Variants in LRFN5 observed in about 807,000 individuals in gnomAD.
LRFN5 encodes the protein leucine-rich repeat and fibronectin type-III domain-containing protein 5.
Under a neutral mutation model 45.6 loss-of-function variants are expected in LRFN5, and 24 were observed. The observed-to-expected ratio is 0.53, with a 90% CI of 0.38 to 0.74. The LOEUF is 0.74. Ranked by LOEUF, LRFN5 falls within the 30% of genes least tolerant of loss-of-function variation. The pLI is 0.00. For missense variants in LRFN5, 776 were observed against 861.5 expected, an observed-to-expected ratio of 0.90 and a Z score of 1.24; for synonymous variants, 340 against 313.8, an observed-to-expected ratio of 1.08 and a Z score of -0.88.
At position 41,826,976 on chromosome 14, in the gene LRFN5, A is replaced by G. The variant is rs61988383; in HGVS notation, c.-20-59630A>G. ...TAAGTAATTATTTTGATTCACATTG[A>G]GTAAAACAGATCAAAACAATCCAAC... On this transcript the variant is annotated intron_variant, in intron 2 of 5. Transcript: ENST00000298119. Among the ~76,000 whole-genome samples, 139 of 60,824 alleles carry G rather than the reference A, an allele frequency of 2.3e-3. 1 individual carries two copies. The highest frequency in any genetic ancestry group is 4.0e-3 in the Non-Finnish European group (104 of 26,002). 39.9% of individuals were successfully genotyped at this position (60,824 alleles called of 152,430 possible). A position where few individuals can be genotyped will look rare whatever the true frequency, so the allele number is the denominator to read the frequency against.
intron 1 of LRFN5, among the ~76,000 whole-genome samples, chr14:41,734,316 T>TATATA (rs1884314909): frequency 2.6e-5 from 1 of 38,768 alleles, no homozygotes; most frequent in African/African-American, 5.3e-5. Flanking sequence ...TGGACTGGTT[T>TATATA]TATATATATA....
chr14:41,804,011 A>C (rs1458131202), intron 2 of LRFN5, among the ~76,000 whole-genome samples: 4 of 152,028 alleles, frequency 2.6e-5, no homozygotes, highest in Non-Finnish European at 5.9e-5. Flanking sequence ...TTACAGGTGC[A>C]TGCCACCACA....
chr14:41,822,818 G>C (rs1166365896), intron 2 of LRFN5, among the ~76,000 whole-genome samples: 1 of 147,446 alleles, frequency 6.8e-6, no homozygotes, highest in Non-Finnish European at 1.5e-5. Context: ...ATGAATCCAG[G>C]TGCTCTGGTA....
At chr14:41,802,581 G>A (rs1413162784) in intron 2 of LRFN5, among the ~76,000 whole-genome samples, 1 of 152,160 alleles carries the variant, frequency 6.6e-6, no homozygotes. Context: ...GTCAAGGAAA[G>A]TCTGTCACCA....
At chr14:41,705,865 CAT>C (rs35936498) in intron 1 of LRFN5, among the ~76,000 whole-genome samples, 34,997 of 152,084 alleles carry the variant, frequency 0.23, 4,250 homozygotes, top group South Asian at 0.37. Flanking sequence ...CTCACTTACA[CAT>C]GTGTTATCAC....
chr14:41,712,106 G>A (rs915674576), intron 1 of LRFN5, among the ~76,000 whole-genome samples: 3 of 152,108 alleles, frequency 2.0e-5, no homozygotes, highest in African/African-American at 7.2e-5. Context: ...AGGTAATATC[G>A]GGGAATATGC....
chr14:41,880,219 G>T (rs1257647960), intron 2 of LRFN5, among the ~76,000 whole-genome samples: 1 of 151,774 alleles, frequency 6.6e-6, no homozygotes. Context: ...GAGCCACCGC[G>T]CCCGGCCCTC....
intron 1 of LRFN5, among the ~76,000 whole-genome samples, chr14:41,616,778 G>C (rs1039644254): frequency 6.6e-6 from 1 of 151,896 alleles, no homozygotes; most frequent in African/African-American, 2.4e-5. Flanking sequence ...TCAAATAGTT[G>C]TCAAGATCAA....
chr14:41,756,914 G>T (rs80079745), intron 1 of LRFN5, among the ~76,000 whole-genome samples: 1 of 152,062 alleles, frequency 6.6e-6, no homozygotes, highest in Non-Finnish European at 1.5e-5. Context: ...TTTGATGATG[G>T]TGACGTACAG....
intron 2 of LRFN5, among the ~76,000 whole-genome samples, chr14:41,785,507 T>C (rs1886686717): frequency 1.3e-5 from 2 of 152,110 alleles, no homozygotes; most frequent in South Asian, 4.1e-4. Flanking sequence ...GATACTATAC[T>C]ATATCACATA....
At chr14:41,747,976 A>G (rs1359265862) in intron 1 of LRFN5, among the ~76,000 whole-genome samples, 1 of 152,076 alleles carries the variant, frequency 6.6e-6, no homozygotes, top group Non-Finnish European at 1.5e-5. Context: ...AATCATTAGG[A>G]TGAAGACTCT....
intron 2 of LRFN5, among the ~76,000 whole-genome samples, chr14:41,831,228 T>G (rs534304384): frequency 1.3e-5 from 2 of 152,328 alleles, no homozygotes; most frequent in East Asian, 3.9e-4. Context: ...TAATGTTTAT[T>G]TTTTTACTAG....
At position 41,685,269 on chromosome 14, in the gene LRFN5, A is replaced by G. The variant is rs150382901; in HGVS notation, c.-197+76707A>G. ...CAAAAAAACTAAAAATAGAACTACT[A>G]TATTATCTGGCAATCTCATTGGTAG... On this transcript the variant is annotated intron_variant, in intron 1 of 5. Coordinates refer to ENST00000298119, the MANE Select transcript of LRFN5 (RefSeq NM_152447.5). Among the ~76,000 whole-genome samples the G allele has an allele frequency of 6.8e-4, 104 of 152,270 alleles. 1 individual carries two copies. Among genetic ancestry groups the G allele is most frequent in the African/African-American group, 1.8e-3 (74 of 41,574 alleles).
chr14:41,673,927 CGGCTGGCTGGGCGGGG>C (rs1881413080), intron 1 of LRFN5, among the ~76,000 whole-genome samples: 1 of 144,832 alleles, frequency 6.9e-6, no homozygotes, highest in Admixed American at 6.7e-5. Flanking sequence ...CCGGATGGGG[CGGCTGGCTGGGCGGGG>C]GGCTGACACC....
chr14:41,840,237 GT>G (rs1292311099), intron 2 of LRFN5, among the ~76,000 whole-genome samples: 2 of 152,048 alleles, frequency 1.3e-5, no homozygotes, highest in African/African-American at 4.8e-5. Flanking sequence ...TTCTTTATGA[GT>G]TTTTTTCTCA....
Position 41,830,929 on chromosome 14 carries a change from C to T in LRFN5, c.-20-55677C>T, listed in dbSNP as rs182061017. 1.1e-3 allele frequency among the ~76,000 whole-genome samples: 173 copies of T among 152,234 alleles called. 1 individual carries two copies. Among genetic ancestry groups the T allele is most frequent in the Non-Finnish European group, 1.3e-3 (90 of 68,018 alleles). On this transcript the variant is annotated intron_variant, in intron 2 of 5. Transcript: ENST00000298119. ...AGCCTTCAGAGATTAGTAGCTGTTG[C>T]GTCATTTCTTTCTTCTACATCTCAC...
chr14:41,783,584 G>A (rs770908458), intron 2 of LRFN5, among the ~76,000 whole-genome samples: 1 of 151,958 alleles, frequency 6.6e-6, no homozygotes, highest in Non-Finnish European at 1.5e-5. Flanking sequence ...TGACTAATAC[G>A]GCTGTCAGTT....
chr14:41,888,157 G>T (rs1440980227), intron 3 of LRFN5, 147 bp downstream of exon 3: 1 of 605,192 alleles, frequency 1.7e-6, no homozygotes, highest in East Asian at 3.0e-5. Context: ...TGAAAAAGGT[G>T]GTAATACAAG....
intron 1 of LRFN5, among the ~76,000 whole-genome samples, chr14:41,678,462 A>G (rs1881737714): frequency 6.6e-6 from 1 of 152,136 alleles, no homozygotes; most frequent in Non-Finnish European, 1.5e-5. Context: ...GGATTTCAAT[A>G]CCCCATTTTC....
Sources: gnomAD v4.1 joint callset for allele counts (sites outside exome capture counted in the v4.1 genomes callset) on GRCh38, gnomAD v4.1.1 for gene constraint, MANE v1.5 for transcripts, NCBI Gene and HGNC (gene_info 2026-07-23, HGNC 2026-07-21) for gene names.